The following SMCHD1 variants were observed in gnomAD, a reference collection of about 807,000 sequenced individuals.
SMCHD1 encodes the protein structural maintenance of chromosomes flexible hinge domain containing 1.
A neutral mutation model predicts 254.7 loss-of-function variants in SMCHD1; 78 were observed. The ratio of observed to expected loss-of-function variants is 0.31; its 90% CI spans 0.26 to 0.37. The LOEUF (loss-of-function observed/expected upper bound fraction) is 0.37. Ranked by LOEUF, SMCHD1 falls within the 10% of genes least tolerant of loss-of-function variation. The pLI, the probability that SMCHD1 is intolerant of heterozygous loss-of-function variation, is 1.00. For synonymous variants in SMCHD1, 766 were observed against 794.9 expected (o/e 0.96, Z 0.61); for missense variants, 1,840 against 2,408.1 (o/e 0.76, Z 4.94).
At chr18:2,679,156 A>C (rs1373174342) in intron 5 of SMCHD1, among the ~76,000 whole-genome samples, 1 of 146,068 alleles carries the variant, frequency 6.8e-6, no homozygotes, top group Non-Finnish European at 1.5e-5. Context: ...CCTTTCCATT[A>C]TTTTTGAAGG....
intron 34 of SMCHD1, among the ~76,000 whole-genome samples, chr18:2,757,983 A>G (rs1305699161): frequency 6.6e-6 from 1 of 152,134 alleles, no homozygotes; most frequent in Non-Finnish European, 1.5e-5. Context: ...GTAATAGTAT[A>G]CCAACTTTCC....
chr18:2,674,191 T>TATCCTTACTAAAATAC, intron 5 of SMCHD1, 46 bp downstream of exon 5: 1 of 1,502,496 alleles, frequency 6.7e-7, no homozygotes, highest in Non-Finnish European at 8.9e-7. Flanking sequence ...CTATGTATTT[T>TATCCTTACTAAAATAC]AGTAAGGATA....
At chr18:2,670,266 C>T (rs1440101571) in intron 3 of SMCHD1, among the ~76,000 whole-genome samples, 3 of 152,210 alleles carry the variant, frequency 2.0e-5, no homozygotes, top group Middle Eastern at 3.4e-3. Flanking sequence ...ATATTCTCAG[C>T]TTAGGGCCCT....
intron 7 of SMCHD1, among the ~76,000 whole-genome samples, chr18:2,694,168 AGGT>A (rs2074240679): frequency 6.6e-6 from 1 of 152,210 alleles, no homozygotes; most frequent in African/African-American, 2.4e-5. Flanking sequence ...GTTAAGTGGT[AGGT>A]CTCCCAAGCA....
chr18:2,762,356 C>T (rs2075800824), intron 36 of SMCHD1, 120 bp downstream of exon 36: 2 of 812,754 alleles, frequency 2.5e-6, no homozygotes, highest in Non-Finnish European at 1.9e-6. Flanking sequence ...ATAGGGAAAA[C>T]TTGTGCAGAT....
intron 41 of SMCHD1, among the ~76,000 whole-genome samples, chr18:2,773,889 C>T (rs1312069184): frequency 1.3e-5 from 2 of 152,146 alleles, no homozygotes; most frequent in African/African-American, 2.4e-5. Context: ...TGCCACTGCA[C>T]TCCAGCCTGA....
In SMCHD1 at chr18:2,802,596, C is replaced by A; in HGVS notation, c.*44C>A. On this transcript the variant is annotated 3_prime_UTR_variant, in exon 48 of 48. Transcript: ENST00000320876. ...GGCCATTGGTCTCAGTAAGAATGCC[C>A]TGCTTTCTGCATCTCTGTTTCAGAA... is the stretch of plus-strand genomic sequence containing the variant. 1 of 1,510,372 alleles carries A rather than the reference C, an allele frequency of 6.6e-7. No individual in the cohort carries two copies. The highest frequency in any genetic ancestry group is 8.9e-7 in the Non-Finnish European group (1 of 1,121,324). 93.6% of individuals were successfully genotyped at this position (1,510,372 alleles called of 1,614,324 possible).
rs1161480766 is a variant in SMCHD1, at chr18:2,694,511, C to G, written c.874-16C>G. 18 of 1,528,672 alleles carry G rather than the reference C, an allele frequency of 1.2e-5. No homozygotes were observed. The highest frequency in any genetic ancestry group is 6.4e-5 in the Admixed American group (3 of 46,610). The allele number at this position is 1,528,672 out of a possible 1,614,324, so 94.7% of individuals were successfully genotyped here. On this transcript the variant is annotated splice_polypyrimidine_tract_variant and intron_variant, in intron 7 of 47. Coordinates refer to ENST00000320876, the MANE Select transcript of SMCHD1 (RefSeq NM_015295.3). The stretch of plus-strand genomic sequence containing the variant: ...TTAGATGATTTAATCTGTTGTATTT[C>G]TGTTCACTCTTGTAGCCCTCTGATT...
chr18:2,758,418 C>T (rs181094857), intron 34 of SMCHD1, among the ~76,000 whole-genome samples: 36 of 152,222 alleles, frequency 2.4e-4, no homozygotes, highest in Admixed American at 3.9e-4. Context: ...TACTTCCATT[C>T]CCTTCTCCCA....
chr18:2,678,227 C>CTTTTTCTT (rs375425079), intron 5 of SMCHD1, among the ~76,000 whole-genome samples: 1 of 131,772 alleles, frequency 7.6e-6, no homozygotes, highest in African/African-American at 3.0e-5. Flanking sequence ...CTTTCTTTTT[C>CTTTTTCTT]TTTCTTTCTT....
At chr18:2,707,145 C>G (rs944339346) in intron 15 of SMCHD1, among the ~76,000 whole-genome samples, 7 of 152,048 alleles carry the variant, frequency 4.6e-5, no homozygotes, top group African/African-American at 1.7e-4. Context: ...GGACACAGAG[C>G]CAAACCTTAT....
intron 20 of SMCHD1, among the ~76,000 whole-genome samples, chr18:2,723,041 G>A (rs1387899852): frequency 6.6e-6 from 1 of 151,922 alleles, no homozygotes; most frequent in Non-Finnish European, 1.5e-5. Context: ...TGGACCTTCT[G>A]GATTTAATCC....
chr18:2,684,672 CT>C (rs999400586), intron 5 of SMCHD1, among the ~76,000 whole-genome samples: 92 of 131,136 alleles, frequency 7.0e-4, no homozygotes, highest in East Asian at 5.6e-3. Flanking sequence ...TTCCCATTTT[CT>C]TTTTTTTCCT....
intron 28 of SMCHD1, among the ~76,000 whole-genome samples, chr18:2,742,281 A>G (rs1027947305): frequency 6.6e-6 from 1 of 152,150 alleles, no homozygotes; most frequent in Non-Finnish European, 1.5e-5. Context: ...ATTGACGTAT[A>G]CTATCTTGGC....
At chr18:2,747,152 A>G (rs377471836) in intron 29 of SMCHD1, among the ~76,000 whole-genome samples, 2 of 152,208 alleles carry the variant, frequency 1.3e-5, no homozygotes, top group Non-Finnish European at 2.9e-5. Flanking sequence ...TTTGCGTTGT[A>G]TTAGATGTTA....
rs764718 is a variant in SMCHD1 at position 2,802,617 on chromosome 18, C to T, written c.*65C>T. ...TGCCCTGCTTTCTGCATCTCTGTTT[C>T]AGAAGACCAAGAGGGTGACTTACCA... is the stretch of plus-strand genomic sequence containing the variant. On this transcript the variant is annotated 3_prime_UTR_variant, in exon 48 of 48. Transcript: ENST00000320876. 4.9e-4 allele frequency: 709 copies of T among 1,450,572 alleles called. 8 individuals are homozygous for T. The East Asian group carries it at 0.01, about 21-fold the overall frequency. 89.9% of individuals were successfully genotyped at this position (1,450,572 alleles called of 1,614,324 possible). A position where few individuals can be genotyped will look rare whatever the true frequency, so the allele number is the denominator to read the frequency against.
In SMCHD1 at chr18:2,722,543, T is replaced by C. The variant is rs1568234991; in HGVS notation, c.2483T>C (p.Phe828Ser). 6.2e-7 allele frequency: 1 copy of C among 1,612,948 alleles called. No individual in the cohort carries two copies. Among genetic ancestry groups the C allele is most frequent in the East Asian group, 2.2e-5 (1 of 44,824 alleles). Reference protein sequence around the residue: ...VKEGKPEKFSFGLLDLPFRVG... With the variant: ...VKEGKPEKFSSGLLDLPFRVG... ...GAGGGTAAGCCAGAGAAATTTTCAT[T>C]TGGTCTTCTGGATCTTCCTTTTCGT... The change falls in exon 20 of 48, where the codon TTT becomes TCT. Residue 828 changes from phenylalanine (F) to serine (S), a missense_variant. Phe to Ser is a radical substitution (Grantham distance 155). Around this residue, in one of 9 missense-constraint regions of SMCHD1, gnomAD observed 59 missense variants for 99.2 expected, o/e 0.59. Coordinates refer to ENST00000320876, the MANE Select transcript of SMCHD1 (RefSeq NM_015295.3).
intron 1 of SMCHD1, among the ~76,000 whole-genome samples, chr18:2,662,184 T>A (rs375533198): frequency 0.14 from 11,413 of 82,352 alleles, 1,079 homozygotes; most frequent in Middle Eastern, 0.26. Context: ...AAAAATAAAA[T>A]AAATAAATAA....
chr18:2,752,614 G>C (rs2075596417), intron 34 of SMCHD1, 62 bp downstream of exon 34: 1 of 1,085,944 alleles, frequency 9.2e-7, no homozygotes, highest in Non-Finnish European at 1.4e-6. Context: ...TTCAACCCTG[G>C]AGATATATGT....
Sources: gnomAD v4.1 joint callset for allele counts (sites outside exome capture counted in the v4.1 genomes callset) on GRCh38, gnomAD v4.1.1 for gene constraint, gnomAD v4.1.1 regional missense constraint, MANE v1.5 for transcripts, NCBI Gene and HGNC (gene_info 2026-07-23, HGNC 2026-07-21) for gene names.